The following PSMD5 variants were observed in gnomAD, a reference collection of about 807,000 sequenced individuals.
PSMD5 encodes the protein proteasome 26S subunit, non-ATPase 5, also known as 26S proteasome non-ATPase regulatory subunit 5.
In PSMD5, 40 loss-of-function variants were observed where a neutral mutation model predicts 52.1. The ratio of observed to expected loss-of-function variants is 0.77; its 90% confidence interval spans 0.60 to 1.00. PSMD5 has a LOEUF of 1.00. PSMD5 is among the 50% of genes least tolerant of loss of function. The pLI, the probability that PSMD5 is intolerant of heterozygous loss-of-function variation, is 0.00. For synonymous variants in PSMD5, 211 were observed against 226.6 expected (o/e 0.93, Z 0.62); for missense variants, 575 against 605.2 (o/e 0.95, Z 0.52).
At chr9:120,832,710 A>C (rs1212938747) in intron 2 of PSMD5, among the ~76,000 whole-genome samples, 2 of 152,202 alleles carry the variant, frequency 1.3e-5, no homozygotes, top group African/African-American at 4.8e-5. Flanking sequence ...TTTTTGCTGA[A>C]TAAACACAGA....
At chr9:120,821,926 T>C (rs2045087889) in intron 7 of PSMD5, among the ~76,000 whole-genome samples, 1 of 152,250 alleles carries the variant, frequency 6.6e-6, no homozygotes, top group Admixed American at 6.5e-5. Flanking sequence ...CAATGAACAT[T>C]GGGTTGCTTG....
rs905293314 is a variant in PSMD5 at position 120,817,930 on chromosome 9, C to A, written c.1491G>T (p.Thr497=). Residue 497 remains threonine, a synonymous_variant, in exon 10 of 10, where the codon ACG becomes ACT. Coordinates refer to ENST00000210313, the MANE Select transcript of PSMD5 (RefSeq NM_005047.4). ...ATCATTCGGCTCCTTCTACTGCTGTCGTGGAAACAGGTTTCACATAGTATG... is the reference window on the plus strand; with the variant it reads ...ATCATTCGGCTCCTTCTACTGCTGTAGTGGAAACAGGTTTCACATAGTATG... The part of the protein sequence containing the change: ...EGPYYVKPVS[T]TAVEGAE 6.2e-7 allele frequency: 1 copy of A among 1,613,414 alleles called. No homozygotes were observed. The highest frequency in any genetic ancestry group is 1.3e-5 in the African/African-American group (1 of 75,026).
intron 1 of PSMD5, among the ~76,000 whole-genome samples, chr9:120,837,897 A>ACATT (rs1311544729): frequency 6.6e-6 from 1 of 152,284 alleles, no homozygotes; most frequent in Non-Finnish European, 1.5e-5. Flanking sequence ...AAACTGTAGT[A>ACATT]CATTCATACA....
intron 2 of PSMD5, among the ~76,000 whole-genome samples, chr9:120,832,639 G>A (rs1420362211): frequency 1.3e-5 from 2 of 152,120 alleles, no homozygotes; most frequent in East Asian, 1.9e-4. Context: ...CAGGTGATCC[G>A]CCTGCCTTGG....
intron 1 of PSMD5, 55 bp from the exon 2 acceptor site, chr9:120,833,511 A>G (rs2045175799): frequency 6.5e-7 from 1 of 1,545,698 alleles, no homozygotes; most frequent in African/African-American, 1.4e-5. Context: ...GTAGGAAGTA[A>G]CAACCTAATA....
chr9:120,823,261 T>G (rs1286239906), intron 7 of PSMD5, among the ~76,000 whole-genome samples: 9 of 149,750 alleles, frequency 6.0e-5, no homozygotes, highest in Non-Finnish European at 1.2e-4. Flanking sequence ...CAGGCTGGAG[T>G]GCAGTGGTGT....
intron 1 of PSMD5, among the ~76,000 whole-genome samples, chr9:120,835,187 G>A (rs775374676): frequency 6.6e-6 from 1 of 152,102 alleles, no homozygotes; most frequent in Non-Finnish European, 1.5e-5. Context: ...CACAAAACTT[G>A]TACACAAATG....
intron 5 of PSMD5, among the ~76,000 whole-genome samples, chr9:120,827,867 A>G (rs111827426): frequency 0.01 from 1,545 of 152,362 alleles, 33 homozygotes; most frequent in African/African-American, 0.035. Context: ...TATCAACAAA[A>G]GAACATTTGG....
intron 1 of PSMD5, among the ~76,000 whole-genome samples, chr9:120,838,890 T>C (rs1376401595): frequency 6.6e-6 from 1 of 152,204 alleles, no homozygotes. Context: ...GATGCAGACA[T>C]GAACAAAATG....
chr9:120,831,592 G>T, intron 3 of PSMD5, 133 bp from the exon 4 acceptor site: 1 of 1,206,910 alleles, frequency 8.3e-7, no homozygotes, highest in Non-Finnish European at 1.1e-6. Flanking sequence ...TGGAAAAGAC[G>T]CAAGGTATCC....
Position 120,824,180 on chromosome 9 carries a change from C to G in PSMD5, c.1006+314G>C, listed in dbSNP as rs562307297. The G allele has an allele frequency of 2.2e-5, 7 of 314,356 alleles. No homozygotes were observed. In the East Asian group the frequency reaches 4.5e-4, roughly 20 times the overall value. The allele number at this position is 314,356 out of a possible 1,614,324, so 19.5% of individuals were successfully genotyped here. On this transcript the variant is annotated intron_variant, in intron 7 of 9. Coordinates refer to ENST00000210313, the MANE Select transcript of PSMD5 (RefSeq NM_005047.4). The stretch of plus-strand genomic sequence containing the variant: ...AATCCAGACCTTTCTGACTCTAGCC[C>G]GTGGTCTTTGTACCATGAAATCTAG...
At chr9:120,820,012 T>C (rs945706879) in intron 9 of PSMD5, among the ~76,000 whole-genome samples, 5 of 152,196 alleles carry the variant, frequency 3.3e-5, no homozygotes, top group Admixed American at 6.5e-5. Context: ...ACTAAAGCGA[T>C]TACTATCTTG....
In PSMD5 at chr9:120,837,715, C is replaced by T. The variant is rs143331542; in HGVS notation, c.174-4259G>A. Among the ~76,000 whole-genome samples, 39 of 152,308 alleles carry T rather than the reference C, an allele frequency of 2.6e-4. 1 individual carries two copies. In the East Asian group the frequency reaches 7.1e-3, roughly 28 times the overall value. ...CCAGTTGCTTAAAAAGTTAAATATA[C>T]ACCTACCATACCATCTAGCCATTTC... On this transcript the variant is annotated intron_variant, in intron 1 of 9. Coordinates refer to ENST00000210313, the MANE Select transcript of PSMD5 (RefSeq NM_005047.4).
chr9:120,832,393 C>CTTTTT (rs35785525), intron 2 of PSMD5, among the ~76,000 whole-genome samples: 9 of 126,906 alleles, frequency 7.1e-5, no homozygotes, highest in Non-Finnish European at 1.2e-4. Context: ...TTCCCCCAAC[C>CTTTTT]TTTTTTTTTT....
At chr9:120,832,312 C>G (rs1401580948) in intron 2 of PSMD5, among the ~76,000 whole-genome samples, 3 of 151,628 alleles carry the variant, frequency 2.0e-5, no homozygotes, top group Non-Finnish European at 4.4e-5. Flanking sequence ...TAAATGAGAC[C>G]GAACAGGCAA....
rs532402167 is a variant in PSMD5, at chr9:120,825,419, TA to T, written c.815-735del. The stretch of plus-strand genomic sequence containing the variant: ...TGAACAATGTATTCTGAAATATGTA[TA>T]TTTAAAAATTATTTTTTCTGCTTTC... On this transcript the variant is annotated intron_variant, in intron 6 of 9. Transcript: ENST00000210313. Among the ~76,000 whole-genome samples the T allele has an allele frequency of 4.6e-5, 7 of 152,312 alleles. No individual in the cohort carries two copies. In the East Asian group the frequency reaches 1.3e-3, roughly 29 times the overall value.
chr9:120,821,441 TAAGC>T lies in PSMD5; in HGVS notation c.1026_1029del (p.Leu343Ter), dbSNP rs2131420887. ...TTCTTTGATTGATGTCCTATTCTCA[TAAGC>T]AAGCGTTCAAAGCGAGTTCCTTTGA... is the stretch of plus-strand genomic sequence containing the variant. On this transcript the variant is annotated frameshift_variant, in exon 8 of 10. Coordinates refer to ENST00000210313, the MANE Select transcript of PSMD5 (RefSeq NM_005047.4). LOFTEE classifies it high-confidence loss of function. 1 of 1,600,454 alleles carries T rather than the reference TAAGC, an allele frequency of 6.2e-7. No homozygotes were observed. The highest frequency in any genetic ancestry group is 8.5e-7 in the Non-Finnish European group (1 of 1,175,640).
intron 2 of PSMD5, 27 bp from the exon 3 acceptor site, chr9:120,831,972 C>T (rs766875502): frequency 3.0e-5 from 48 of 1,605,638 alleles, no homozygotes; most frequent in Non-Finnish European, 4.1e-5. Flanking sequence ...CAGAAACACT[C>T]TTCTAAAGTA....
intron 7 of PSMD5, among the ~76,000 whole-genome samples, chr9:120,822,364 A>G (rs909977916): frequency 6.6e-6 from 1 of 152,238 alleles, no homozygotes; most frequent in Non-Finnish European, 1.5e-5. Flanking sequence ...GTATGACCTT[A>G]GAAATTTTCT....
Sources: allele counts gnomAD v4.1 joint callset (sites outside exome capture counted in the v4.1 genomes callset), GRCh38; gene constraint gnomAD v4.1.1; transcripts MANE v1.5; gene names NCBI Gene and HGNC (gene_info 2026-07-23, HGNC 2026-07-21).